ATP8A2: variants seen among roughly 807,000 people sequenced by gnomAD.
ATP8A2 encodes ATPase phospholipid transporting 8A2, also known as phospholipid-transporting ATPase IB.
In ATP8A2, 100 loss-of-function variants were observed where a neutral mutation model predicts 165.6. The observed-to-expected ratio is 0.60, with a 90% CI of 0.51 to 0.71. ATP8A2 has a LOEUF of 0.71. Among genes scored for constraint, ATP8A2 ranks in the 30% least tolerant of loss-of-function variants. The pLI is 0.00. For synonymous variants in ATP8A2, 543 were observed against 548.8 expected (o/e 0.99, Z 0.15); for missense variants, 1,227 against 1,479.5 (o/e 0.83, Z 2.80).
chr13:25,902,943 A>ACACACACACACC, intron 33 of ATP8A2, among the ~76,000 whole-genome samples: 1 of 147,762 alleles, frequency 6.8e-6, no homozygotes, highest in African/African-American at 2.6e-5. Flanking sequence ...CAGCATGCAC[A>ACACACACACACC]CACACACACA....
chr13:25,950,673 C>G (rs1336677008), intron 33 of ATP8A2: 2 of 152,166 alleles, frequency 1.3e-5, no homozygotes, highest in Non-Finnish European at 2.9e-5. Context: ...GGTTTCCTTT[C>G]TGGAGCTTTA....
At chr13:25,764,177 G>A (rs1377402202) in intron 25 of ATP8A2, among the ~76,000 whole-genome samples, 2 of 151,932 alleles carry the variant, frequency 1.3e-5, no homozygotes, top group Admixed American at 1.3e-4. Context: ...TGATAAGTTG[G>A]TTTCTGTGTC....
At chr13:25,623,087 C>T (rs1220833217) in intron 24 of ATP8A2, among the ~76,000 whole-genome samples, 3 of 152,158 alleles carry the variant, frequency 2.0e-5, no homozygotes, top group African/African-American at 7.2e-5. Flanking sequence ...TGAATTTCAA[C>T]AAAATGCCAG....
Position 26,020,081 on chromosome 13 carries a change from A to G in ATP8A2, c.*96A>G. The G allele has an allele frequency of 2.3e-6, 2 of 871,948 alleles. No individual in the cohort carries two copies. The highest frequency in any genetic ancestry group is 3.7e-6 in the Non-Finnish European group (2 of 539,708). 54.0% of individuals were successfully genotyped at this position (871,948 alleles called of 1,614,324 possible). A position where few individuals can be genotyped will look rare whatever the true frequency, so the allele number is the denominator to read the frequency against. The stretch of plus-strand genomic sequence containing the variant: ...TCAGAGAAGACTGGCGTCAGCAGCC[A>G]AAACACCAGGAAACACATTTCTGTG... On this transcript the variant is annotated 3_prime_UTR_variant, in exon 37 of 37. Coordinates refer to ENST00000381655, the MANE Select transcript of ATP8A2 (RefSeq NM_016529.6).
intron 24 of ATP8A2, among the ~76,000 whole-genome samples, chr13:25,659,519 T>G (rs1180834733): frequency 3.3e-5 from 5 of 152,138 alleles, no homozygotes; most frequent in African/African-American, 9.7e-5. Flanking sequence ...AAGCTATCTC[T>G]ACACCACTGG....
intron 2 of ATP8A2, among the ~76,000 whole-genome samples, chr13:25,482,349 G>A (rs1052015940): frequency 2.4e-4 from 37 of 152,258 alleles, no homozygotes; most frequent in African/African-American, 8.9e-4. Context: ...GTCCCTCTCT[G>A]TCAAGAATTG....
At chr13:25,836,190 G>A (rs549306587) in intron 28 of ATP8A2, among the ~76,000 whole-genome samples, 1 of 148,222 alleles carries the variant, frequency 6.7e-6, no homozygotes, top group Non-Finnish European at 1.5e-5. Context: ...TTGTTTGTTT[G>A]TTTGTTTGTT....
At chr13:25,601,782 A>T (rs1194349163) in intron 24 of ATP8A2, among the ~76,000 whole-genome samples, 5 of 152,190 alleles carry the variant, frequency 3.3e-5, no homozygotes, top group African/African-American at 1.2e-4. Flanking sequence ...AAATGCTTGT[A>T]TTGTTAACGT....
intron 30 of ATP8A2, among the ~76,000 whole-genome samples, chr13:25,841,310 G>A (rs1048265722): frequency 6.6e-6 from 1 of 152,090 alleles, no homozygotes; most frequent in Non-Finnish European, 1.5e-5. Context: ...TCCAAATTTG[G>A]CAAATTACCT....
intron 27 of ATP8A2, among the ~76,000 whole-genome samples, chr13:25,797,218 A>G (rs1950515307): frequency 6.6e-6 from 1 of 152,218 alleles, no homozygotes; most frequent in Non-Finnish European, 1.5e-5. Flanking sequence ...CAGTGAGCCA[A>G]GATCGCACCA....
At chr13:25,572,868 A>G (rs1021387282) in intron 18 of ATP8A2, among the ~76,000 whole-genome samples, 3 of 152,190 alleles carry the variant, frequency 2.0e-5, no homozygotes, top group Non-Finnish European at 4.4e-5. Flanking sequence ...ATGGTTCCTG[A>G]CTTGGGAGTA....
At position 25,488,886 on chromosome 13, in the gene ATP8A2, A is replaced by G. The variant is rs182937743; in HGVS notation, c.221+19765A>G. 5.7e-3 allele frequency among the ~76,000 whole-genome samples: 601 copies of G among 105,620 alleles called. 5 individuals are homozygous for G. Among genetic ancestry groups the G allele is most frequent in the African/African-American group, 0.021 (579 of 27,286 alleles). The allele number at this position is 105,620 out of a possible 152,430, so 69.3% of individuals were successfully genotyped here. A position where few individuals can be genotyped will look rare whatever the true frequency, so the allele number is the denominator to read the frequency against. ...ATGACTCCCCCACCCCCCACCCCCC[A>G]TTTTTGCTGTCTGGTTGACTTTACC... On this transcript the variant is annotated intron_variant, in intron 2 of 36. Transcript: ENST00000381655.
intron 8 of ATP8A2, among the ~76,000 whole-genome samples, chr13:25,541,261 T>A (rs2038467264): frequency 6.6e-6 from 1 of 152,226 alleles, no homozygotes; most frequent in Non-Finnish European, 1.5e-5. Flanking sequence ...ATTCTATCCA[T>A]ATATCTTTCT....
intron 1 of ATP8A2, among the ~76,000 whole-genome samples, chr13:25,450,549 T>C (rs1225201558): frequency 6.8e-6 from 1 of 145,986 alleles, no homozygotes. Context: ...TGTGTGTGTG[T>C]GAGACGGAGT....
At chr13:25,880,289 T>G (rs915169587) in intron 33 of ATP8A2, among the ~76,000 whole-genome samples, 14 of 152,184 alleles carry the variant, frequency 9.2e-5, no homozygotes, top group Non-Finnish European at 1.8e-4. Context: ...CTTGGCAAAC[T>G]TTGCTTTTTG....
intron 33 of ATP8A2, among the ~76,000 whole-genome samples, chr13:25,876,470 C>T (rs1952822358): frequency 6.6e-6 from 1 of 152,204 alleles, no homozygotes; most frequent in African/African-American, 2.4e-5. Context: ...AGGAGCCTGA[C>T]TGTGATGGGG....
intron 10 of ATP8A2, among the ~76,000 whole-genome samples, chr13:25,549,154 G>A (rs1171324651): frequency 1.3e-5 from 2 of 152,012 alleles, no homozygotes; most frequent in African/African-American, 4.8e-5. Flanking sequence ...GCAAATTGGT[G>A]TTGTCTCTTA....
chr13:25,665,953 A>G (rs2042144887), intron 24 of ATP8A2, among the ~76,000 whole-genome samples: 1 of 149,676 alleles, frequency 6.7e-6, no homozygotes, highest in South Asian at 2.1e-4. Flanking sequence ...AAATATATAT[A>G]AGGCTTAAAA....
At chr13:25,871,187 G>A in intron 33 of ATP8A2, 1 of 416,012 alleles carries the variant, frequency 2.4e-6, no homozygotes. Flanking sequence ...TAAAATATCT[G>A]TCAGCAAATT....
Sources: gnomAD v4.1 joint callset for allele counts (sites outside exome capture counted in the v4.1 genomes callset) on GRCh38, gnomAD v4.1.1 for gene constraint, MANE v1.5 for transcripts, NCBI Gene and HGNC (gene_info 2026-07-23, HGNC 2026-07-21) for gene names.